Variants in GTSF1 observed in about 807,000 individuals in gnomAD.
GTSF1 encodes gametocyte-specific factor 1.
GTSF1 carries 11 observed loss-of-function variants against 28.9 expected under a neutral mutation model. The observed-to-expected ratio is 0.38, with a 90% confidence interval of 0.24 to 0.63. GTSF1 has a LOEUF of 0.63. Among genes scored for constraint, GTSF1 ranks in the 30% least tolerant of loss-of-function variants. GTSF1 has a pLI of 0.56. For synonymous variants in GTSF1, 69 were observed against 65.6 expected (o/e 1.05, Z -0.25); for missense variants, 146 against 201.0 (o/e 0.73, Z 1.66).
At position 54,457,094 on chromosome 12, in the gene GTSF1, AAAAC is replaced by A. The variant is rs375817088; in HGVS notation, c.*21-945_*21-942del. On this transcript the variant is annotated intron_variant, in intron 8 of 8. Coordinates refer to ENST00000305879, the MANE Select transcript of GTSF1 (RefSeq NM_144594.3). Reference sequence around the variant, plus strand: ...GAGCCAGACTCCATCTCAAAAACAAAAAACAAACAAACAAACAAAAACCCAAAAC... The same window carrying A: ...GAGCCAGACTCCATCTCAAAAACAAAAAACAAACAAACAAAAACCCAAAAC... Among the ~76,000 whole-genome samples, 353 of 152,280 alleles carry A rather than the reference AAAAC, an allele frequency of 2.3e-3. 1 individual carries two copies. Among genetic ancestry groups the A allele is most frequent in the African/African-American group, 8.1e-3 (336 of 41,548 alleles).
chr12:54,467,164 T>A (rs1246291887), intron 2 of GTSF1, among the ~76,000 whole-genome samples: 1 of 152,160 alleles, frequency 6.6e-6, no homozygotes, highest in Non-Finnish European at 1.5e-5. Flanking sequence ...CAACCACCAT[T>A]ACTTTTTGTT....
chr12:54,470,225 C>A (rs1259353801), intron 2 of GTSF1, among the ~76,000 whole-genome samples: 3 of 152,050 alleles, frequency 2.0e-5, no homozygotes, highest in East Asian at 3.8e-4. Flanking sequence ...CAGGGGATCC[C>A]TTTTCTCAAG....
chr12:54,470,563 G>A (rs1283288063), intron 2 of GTSF1, among the ~76,000 whole-genome samples: 1 of 152,184 alleles, frequency 6.6e-6, no homozygotes, highest in Non-Finnish European at 1.5e-5. Flanking sequence ...GGAAGAAAAA[G>A]TAGGTACTGT....
intron 2 of GTSF1, chr12:54,468,814 CT>C (rs1450117576): frequency 3.3e-5 from 5 of 152,190 alleles, no homozygotes; most frequent in African/African-American, 1.2e-4. Context: ...GTTTCTCAAA[CT>C]TTAACTTACT....
At chr12:54,471,345 TG>T in intron 1 of GTSF1, 68 bp from the exon 2 acceptor site, 13 of 1,084,260 alleles carry the variant, frequency 1.2e-5, no homozygotes, top group Non-Finnish European at 1.7e-5. Context: ...CCCTAAGAAG[TG>T]GAGTCACTTC....
chr12:54,459,312 C>G, intron 7 of GTSF1, 187 bp from the exon 8 acceptor site: 1 of 1,441,288 alleles, frequency 6.9e-7, no homozygotes. Context: ...CCTTTACCTA[C>G]CAAGCCTTTT....
rs368514179 is a variant in GTSF1, at chr12:54,457,077, C to T, written c.*21-924G>A. On this transcript the variant is annotated intron_variant, in intron 8 of 8. Transcript: ENST00000305879. ...TCCAGCCTGTGTGACAGGAGCCAGACTCCATCTCAAAAACAAAAAACAAAC... is the reference window on the plus strand; with the variant it reads ...TCCAGCCTGTGTGACAGGAGCCAGATTCCATCTCAAAAACAAAAAACAAAC... 1.1e-4 allele frequency among the ~76,000 whole-genome samples: 17 copies of T among 152,260 alleles called. 1 individual carries two copies. The South Asian group carries it at 3.1e-3, about 28-fold the overall frequency.
intron 8 of GTSF1, among the ~76,000 whole-genome samples, chr12:54,456,819 C>T (rs1366069625): frequency 6.6e-6 from 1 of 152,176 alleles, no homozygotes; most frequent in Non-Finnish European, 1.5e-5. Flanking sequence ...GGTGTGGTGG[C>T]TCCTGCCTGT....
intron 5 of GTSF1, 22 bp from the exon 6 acceptor site, chr12:54,462,194 A>G: frequency 6.3e-7 from 1 of 1,581,970 alleles, no homozygotes; most frequent in Non-Finnish European, 8.7e-7. Flanking sequence ...AGCAAAACAT[A>G]GTTTGTGGTA....
At chr12:54,461,441 G>C (rs1342247869) in intron 6 of GTSF1, among the ~76,000 whole-genome samples, 1 of 152,030 alleles carries the variant, frequency 6.6e-6, no homozygotes, top group Non-Finnish European at 1.5e-5. Flanking sequence ...GGGAGGCAGA[G>C]GGGGGAGGAT....
At chr12:54,459,566 G>A in intron 7 of GTSF1, 1 of 672,302 alleles carries the variant, frequency 1.5e-6, no homozygotes, top group Non-Finnish European at 2.2e-6. Context: ...TTTAGTACTT[G>A]TTTACCCAGC....
intron 7 of GTSF1, 106 bp downstream of exon 7, chr12:54,460,271 G>T: frequency 1.3e-6 from 1 of 790,488 alleles, no homozygotes; most frequent in Non-Finnish European, 2.1e-6. Context: ...CACTTTAAGG[G>T]TCATGGAAAT....
At chr12:54,460,091 T>A (rs1956399685) in intron 7 of GTSF1, among the ~76,000 whole-genome samples, 1 of 152,220 alleles carries the variant, frequency 6.6e-6, no homozygotes, top group Non-Finnish European at 1.5e-5. Flanking sequence ...ACCTTTTTAT[T>A]GGCTCCCAAA....
intron 8 of GTSF1, among the ~76,000 whole-genome samples, chr12:54,458,241 G>A (rs983871989): frequency 6.6e-6 from 1 of 152,204 alleles, no homozygotes; most frequent in Non-Finnish European, 1.5e-5. Flanking sequence ...TAACCTAAAG[G>A]AAAGGCTTCA....
At chr12:54,463,357 G>A (rs1956454496) in intron 3 of GTSF1, 60 bp from the exon 4 acceptor site, 2 of 1,562,230 alleles carry the variant, frequency 1.3e-6, no homozygotes, top group Admixed American at 3.4e-5. Context: ...TCAACAGGGA[G>A]TAGCTAAGCC....
In GTSF1 at chr12:54,465,086, TGATAAG is replaced by T. The variant is rs745683729; in HGVS notation, c.92_97del (p.Pro31_Tyr32del). 1.5e-5 allele frequency: 25 copies of T among 1,613,090 alleles called. No individual in the cohort carries two copies. The highest frequency in any genetic ancestry group is 2.0e-5 in the Non-Finnish European group (24 of 1,179,328). ...CCCTACCTTTCTGCACTTGATAAGA[TGATAAG>T]GAAACCTGCAAGCCCTGATTTGATG... On this transcript the variant is annotated inframe_deletion, in exon 3 of 9. Transcript: ENST00000305879.
intron 8 of GTSF1, among the ~76,000 whole-genome samples, chr12:54,456,672 GT>G (rs1391843395): frequency 6.6e-6 from 1 of 152,114 alleles, no homozygotes; most frequent in African/African-American, 2.4e-5. Context: ...CCCTTGTCAT[GT>G]ATGTATATTC....
At position 54,462,660 on chromosome 12, in the gene GTSF1, C is replaced by T. The variant is rs760811052; in HGVS notation, c.310G>A (p.Asp104Asn). Residue 104 changes from aspartate (D) to asparagine (N), a missense_variant, in exon 5 of 9, where the codon GAT becomes AAT. Transcript: ENST00000305879. ...AGCTCACCTTTATCCCAGTCTTCATCGCAAGGAGGGCACTGCCAAGTGCTC... is the reference window on the plus strand; with the variant it reads ...AGCTCACCTTTATCCCAGTCTTCATTGCAAGGAGGGCACTGCCAAGTGCTC... ...AESTWQCPPC[D>N]EDWDKDLWEQ... is the part of the protein sequence containing the mutation. 1.3e-5 allele frequency: 21 copies of T among 1,613,688 alleles called. No individual in the cohort carries two copies. The highest frequency in any genetic ancestry group is 2.2e-5 in the South Asian group (2 of 91,066).
At chr12:54,471,423 TTC>T in intron 1 of GTSF1, 146 bp from the exon 2 acceptor site, 2 of 499,952 alleles carry the variant, frequency 4.0e-6, no homozygotes, top group Non-Finnish European at 7.2e-6. Flanking sequence ...CAATATTTTC[TTC>T]TCTTTAAAGC....
Sources: allele counts gnomAD v4.1 joint callset (sites outside exome capture counted in the v4.1 genomes callset), GRCh38; gene constraint gnomAD v4.1.1; transcripts MANE v1.5; gene names NCBI Gene and HGNC (gene_info 2026-07-23, HGNC 2026-07-21).